Variants in GTF2IRD2B observed in about 807,000 individuals in gnomAD.
GTF2IRD2B encodes GTF2I repeat domain containing 2B.
Under a neutral mutation model 55.6 loss-of-function variants are expected in GTF2IRD2B, and 10 were observed. The ratio of observed to expected loss-of-function variants is 0.18; its 90% CI spans 0.11 to 0.31. The LOEUF is 0.31. Among genes scored for constraint, GTF2IRD2B ranks in the 10% least tolerant of loss-of-function variants. The pLI is 1.00. For missense variants in GTF2IRD2B, 206 were observed against 802.7 expected, an observed-to-expected ratio of 0.26 and a Z score of 8.98; for synonymous variants, 107 against 320.5, an observed-to-expected ratio of 0.33 and a Z score of 7.12.
chr7:75,121,095 G>T (rs1808348850), intron 4 of GTF2IRD2B, 85 bp downstream of exon 4: 2 of 755,584 alleles, frequency 2.6e-6, no homozygotes, highest in African/African-American at 1.7e-5. Context: ...AGAGTGCAGT[G>T]GTGCGATCTC....
At chr7:75,104,716 T>A (rs1202287626) in intron 1 of GTF2IRD2B, among the ~76,000 whole-genome samples, 2 of 152,288 alleles carry the variant, frequency 1.3e-5, no homozygotes, top group Non-Finnish European at 2.9e-5. Flanking sequence ...CCGTTACATA[T>A]TCTTTGATGT....
chr7:75,101,893 C>CA (rs1243907524), intron 1 of GTF2IRD2B, among the ~76,000 whole-genome samples: 52,896 of 78,104 alleles, frequency 0.68, 16,803 homozygotes, highest in East Asian at 0.86. Context: ...GACCCCATCT[C>CA]AAAAAAAAAA....
chr7:75,109,387 G>A (rs1310265281), intron 2 of GTF2IRD2B, among the ~76,000 whole-genome samples: 3 of 145,540 alleles, frequency 2.1e-5, no homozygotes, highest in Non-Finnish European at 3.1e-5. Flanking sequence ...TGCCCAGGCT[G>A]GAGTGCAGTG....
chr7:75,115,722 C>T (rs587737474), intron 3 of GTF2IRD2B, among the ~76,000 whole-genome samples: 7 of 149,908 alleles, frequency 4.7e-5, no homozygotes, highest in East Asian at 1.9e-4. Flanking sequence ...GGTGAGCCAC[C>T]GCGCCCAGCC....
chr7:75,123,614 A>G, intron 6 of GTF2IRD2B, 98 bp downstream of exon 6: 1 of 554,260 alleles, frequency 1.8e-6, no homozygotes, highest in East Asian at 3.3e-5. Flanking sequence ...GATGGCTCAC[A>G]CCTGTAATCC....
chr7:75,113,781 G>GGTGTGTGTGTGTGTGTGTGT (rs71519356), intron 3 of GTF2IRD2B, among the ~76,000 whole-genome samples: 1 of 80,018 alleles, frequency 1.2e-5, no homozygotes, highest in Non-Finnish European at 2.5e-5. Flanking sequence ...AGGGTATAAG[G>GGTGTGTGTGTGTGTGTGTGT]GTGTGTGTGT....
intron 3 of GTF2IRD2B, among the ~76,000 whole-genome samples, chr7:75,120,128 C>CAAAA (rs1410735935): frequency 1.3e-5 from 1 of 76,490 alleles, no homozygotes; most frequent in African/African-American, 7.4e-5. Flanking sequence ...GACTCTGTCT[C>CAAAA]AAAAAAAAAA....
intron 3 of GTF2IRD2B, among the ~76,000 whole-genome samples, chr7:75,117,858 G>A (rs1554537069): frequency 1.2e-4 from 18 of 152,254 alleles, no homozygotes; most frequent in South Asian, 6.2e-4. Context: ...TGAGGCTGGC[G>A]GATCACCTGA....
chr7:75,115,244 G>C (rs1584532361), intron 3 of GTF2IRD2B, among the ~76,000 whole-genome samples: 1 of 149,634 alleles, frequency 6.7e-6, no homozygotes, highest in African/African-American at 2.5e-5. Context: ...ATTTGGTCAA[G>C]TGTTTATTTC....
At chr7:75,105,274 C>T (rs1296564971) in intron 1 of GTF2IRD2B, among the ~76,000 whole-genome samples, 13 of 152,418 alleles carry the variant, frequency 8.5e-5, no homozygotes, top group Non-Finnish European at 1.3e-4. Context: ...GAGGCCGAGG[C>T]GGGCGGATCA....
chr7:75,147,198 T>C (rs1194539460), intron 15 of GTF2IRD2B, among the ~76,000 whole-genome samples: 1 of 151,842 alleles, frequency 6.6e-6, no homozygotes, highest in African/African-American at 2.4e-5. Flanking sequence ...TTTGGGAGGC[T>C]GAGGTGGGCG....
At chr7:75,102,194 A>G (rs1269178083) in intron 1 of GTF2IRD2B, among the ~76,000 whole-genome samples, 40 of 150,756 alleles carry the variant, frequency 2.7e-4, no homozygotes, top group Non-Finnish European at 4.3e-4. Flanking sequence ...GTAGAGACAA[A>G]GTTTCACCAA....
intron 8 of GTF2IRD2B, among the ~76,000 whole-genome samples, chr7:75,130,101 CT>C (rs1476896069): frequency 1.0e-5 from 1 of 97,276 alleles, no homozygotes; most frequent in African/African-American, 3.6e-5. Context: ...CTCTTTCTTT[CT>C]TTCTTTCTTT....
rs60983909 is a variant in GTF2IRD2B, at chr7:75,115,096, C to CTT, written c.238+2584_238+2585dup. Among the ~76,000 whole-genome samples the CTT allele has an allele frequency of 1.5e-3, 66 of 43,396 alleles. 1 individual carries two copies. The highest frequency in any genetic ancestry group is 1.6e-3 in the Non-Finnish European group (39 of 24,402). 28.5% of individuals were successfully genotyped at this position (43,396 alleles called of 152,430 possible). A position where few individuals can be genotyped will look rare whatever the true frequency, so the allele number is the denominator to read the frequency against. On this transcript the variant is annotated intron_variant, in intron 3 of 15. Coordinates refer to ENST00000472837, the MANE Select transcript of GTF2IRD2B (RefSeq NM_001003795.3). ...TACAGGCGTGAGTCATCGTGCCCAG[C>CTT]TTTTTTTTTTTTTTTTTTTTTTTTG...
intron 1 of GTF2IRD2B, among the ~76,000 whole-genome samples, chr7:75,107,270 A>G (rs113686676): frequency 6.6e-6 from 1 of 152,128 alleles, no homozygotes; most frequent in African/African-American, 2.4e-5. Flanking sequence ...TTAGCATAAA[A>G]ATAAATGTAA....
intron 1 of GTF2IRD2B, among the ~76,000 whole-genome samples, chr7:75,099,811 C>T (rs1377266804): frequency 1.4e-5 from 2 of 138,528 alleles, no homozygotes; most frequent in African/African-American, 5.4e-5. Flanking sequence ...GTCTAGTTTA[C>T]ATCAGGTAAA....
intron 3 of GTF2IRD2B, among the ~76,000 whole-genome samples, chr7:75,119,943 G>A (rs1372618709): frequency 0.015 from 1,875 of 125,932 alleles, 76 homozygotes; most frequent in African/African-American, 0.066. Context: ...TCTGGCTAAC[G>A]TGGTGAAACC....
chr7:75,096,641 A>G, intron 1 of GTF2IRD2B, among the ~76,000 whole-genome samples: 1 of 136,136 alleles, frequency 7.3e-6, no homozygotes, highest in African/African-American at 3.0e-5. Flanking sequence ...GGCCAGGCTG[A>G]TATGGAACTC....
intron 12 of GTF2IRD2B, among the ~76,000 whole-genome samples, chr7:75,139,516 C>A (rs1808953217): frequency 9.7e-6 from 1 of 103,584 alleles, no homozygotes; most frequent in South Asian, 2.9e-4. Flanking sequence ...CACCTGTAGT[C>A]CCAGCTACTC....
Sources: gnomAD v4.1 joint callset for allele counts (sites outside exome capture counted in the v4.1 genomes callset) on GRCh38, gnomAD v4.1.1 for gene constraint, MANE v1.5 for transcripts, NCBI Gene and HGNC (gene_info 2026-07-23, HGNC 2026-07-21) for gene names.